Variants in EEIG2 observed in about 807,000 individuals in gnomAD.
EEIG2 encodes the protein EEIG family member 2, also known as family with sequence similarity 102 member B.
the EEIG2 span, chr1:108,628,365 T>C: frequency 6.2e-7 from 1 of 1,611,980 alleles, no homozygotes; most frequent in South Asian, 1.1e-5. Context: ...TTGATATGAG[T>C]ATTATATCCA....
chr1:108,625,913 C>T, the EEIG2 span: 1 of 151,816 alleles, frequency 6.6e-6, no homozygotes, highest in African/African-American at 2.4e-5. Flanking sequence ...ATATACTGTC[C>T]ATTTATTCCT....
At chr1:108,563,216 C>T in the EEIG2 span, among the ~76,000 whole-genome samples, 3 of 152,160 alleles carry the variant, frequency 2.0e-5, no homozygotes, top group Non-Finnish European at 4.4e-5. Flanking sequence ...TGTGCCTAGA[C>T]TGTACGGAGT....
the EEIG2 span, among the ~76,000 whole-genome samples, chr1:108,571,967 A>T: frequency 6.6e-6 from 1 of 152,106 alleles, no homozygotes; most frequent in Non-Finnish European, 1.5e-5. Context: ...TTCTGATACA[A>T]ACTTCATGAG....
chr1:108,574,950 A>G, the EEIG2 span, among the ~76,000 whole-genome samples: 1 of 152,162 alleles, frequency 6.6e-6, no homozygotes, highest in African/African-American at 2.4e-5. Context: ...TTCATTATGA[A>G]TTTTTCTGCA....
chr1:108,631,491 TGA>T, the EEIG2 span, among the ~76,000 whole-genome samples: 2 of 152,176 alleles, frequency 1.3e-5, no homozygotes, highest in Non-Finnish European at 1.5e-5. Flanking sequence ...GAGGGAAGTT[TGA>T]GAGAACAGAA....
At chr1:108,591,668 C>T in the EEIG2 span, among the ~76,000 whole-genome samples, 4 of 152,058 alleles carry the variant, frequency 2.6e-5, no homozygotes, top group South Asian at 8.3e-4. Context: ...CTTTCCTGCC[C>T]CTCCCTGGGG....
the EEIG2 span, among the ~76,000 whole-genome samples, chr1:108,587,930 G>T: frequency 1.3e-5 from 2 of 152,172 alleles, no homozygotes; most frequent in East Asian, 1.9e-4. Context: ...AGTTTTTTAG[G>T]TTCCACATAT....
At chr1:108,610,204 G>A in the EEIG2 span, among the ~76,000 whole-genome samples, 2 of 152,190 alleles carry the variant, frequency 1.3e-5, no homozygotes, top group Non-Finnish European at 1.5e-5. Context: ...GCATGTTTGT[G>A]TGCTTTTGGA....
chr1:108,597,945 A>G, the EEIG2 span, among the ~76,000 whole-genome samples: 1 of 152,200 alleles, frequency 6.6e-6, no homozygotes, highest in South Asian at 2.1e-4. Context: ...CCAGGACATC[A>G]GTGTTTATAT....
chr1:108,562,855 AAAAAAG>A, the EEIG2 span, among the ~76,000 whole-genome samples: 2 of 152,208 alleles, frequency 1.3e-5, no homozygotes, highest in African/African-American at 4.8e-5. Flanking sequence ...CAAGAAAAAA[AAAAAAG>A]AAAATCTGAA....
chr1:108,560,309 G>A, the EEIG2 span: 1 of 793,976 alleles, frequency 1.3e-6, no homozygotes, highest in Admixed American at 6.4e-5. Context: ...GCGCCCCCCG[G>A]CCGCGCCCCC....
the EEIG2 span, among the ~76,000 whole-genome samples, chr1:108,591,971 G>A: frequency 6.6e-6 from 1 of 152,084 alleles, no homozygotes; most frequent in African/African-American, 2.4e-5. Context: ...GACAGACAGG[G>A]GCTTAATCAT....
At chr1:108,596,376 A>C in the EEIG2 span, among the ~76,000 whole-genome samples, 1 of 152,110 alleles carries the variant, frequency 6.6e-6, no homozygotes. Context: ...CCTGTTTCTC[A>C]CATGGCCCAA....
At chr1:108,616,364 T>A in the EEIG2 span, 4 of 1,554,394 alleles carry the variant, frequency 2.6e-6, no homozygotes, top group African/African-American at 5.5e-5. Context: ...ATCGTGATAT[T>A]TCTTGTTTTA....
At chr1:108,632,539 A>G in the EEIG2 span, among the ~76,000 whole-genome samples, 4 of 152,198 alleles carry the variant, frequency 2.6e-5, no homozygotes, top group African/African-American at 9.6e-5. Flanking sequence ...TAGAAAAGTA[A>G]CATTTATGAG....
At chr1:108,594,989 T>G in the EEIG2 span, among the ~76,000 whole-genome samples, 5 of 152,196 alleles carry the variant, frequency 3.3e-5, no homozygotes, top group South Asian at 1.0e-3. Flanking sequence ...TCTGGTTTGT[T>G]TCTTAAAAAA....
chr1:108,600,615 A>T, the EEIG2 span: 2 of 1,611,642 alleles, frequency 1.2e-6, no homozygotes. Context: ...GTTCTCATTT[A>T]TGTGCAAAAT....
At chr1:108,629,824 T>C in the EEIG2 span, 2 of 674,512 alleles carry the variant, frequency 3.0e-6, no homozygotes, top group African/African-American at 3.6e-5. Context: ...CTCAGTTTTC[T>C]TAATTCTGGG....
chr1:108,612,891 A>G, the EEIG2 span, among the ~76,000 whole-genome samples: 1 of 152,256 alleles, frequency 6.6e-6, no homozygotes, highest in African/African-American at 2.4e-5. Flanking sequence ...CAGTTAGGTT[A>G]CCCCATGATG....
Sources: gnomAD v4.1 joint callset for allele counts (sites outside exome capture counted in the v4.1 genomes callset) on GRCh38, gnomAD v4.1.1 for gene constraint, MANE v1.5 for transcripts, NCBI Gene and HGNC (gene_info 2026-07-23, HGNC 2026-07-21) for gene names.